The following SCRG1 variants were observed in gnomAD, a reference collection of about 807,000 sequenced individuals.
SCRG1 encodes scrapie-responsive protein 1.
Under a neutral mutation model 7.7 loss-of-function variants are expected in SCRG1, and 3 were observed. The ratio of observed to expected loss-of-function variants is 0.39; its 90% CI spans 0.18 to 1.01. The LOEUF is 1.01. Ranked by LOEUF, SCRG1 falls within the 50% of genes least tolerant of loss-of-function variation. The pLI is 0.36. For missense variants in SCRG1, 110 were observed against 117.2 expected (o/e 0.94, Z 0.28); for synonymous variants, 46 against 41.2 (o/e 1.12, Z -0.44).
the SCRG1 span, among the ~76,000 whole-genome samples, chr4:173,443,945 G>T: frequency 3.0e-3 from 80 of 26,446 alleles, no homozygotes; most frequent in African/African-American, 5.5e-3. Context: ...AGCTTGTTTT[G>T]TGTGTGTGTG....
At chr4:173,393,550 T>C (rs978576101) in intron 1 of SCRG1, among the ~76,000 whole-genome samples, 1 of 152,198 alleles carries the variant, frequency 6.6e-6, no homozygotes, top group African/African-American at 2.4e-5. Flanking sequence ...TGATCTATCA[T>C]GGAGAATTTT....
At chr4:173,488,129 A>AT in the SCRG1 span, among the ~76,000 whole-genome samples, 36 of 151,366 alleles carry the variant, frequency 2.4e-4, no homozygotes, top group African/African-American at 8.3e-4. Context: ...AAATAAATAA[A>AT]TAAATTTAAA....
the SCRG1 span, among the ~76,000 whole-genome samples, chr4:173,511,277 G>C: frequency 6.6e-6 from 1 of 152,082 alleles, no homozygotes; most frequent in Non-Finnish European, 1.5e-5. The surrounding 1 kb of genome is among the most constrained non-coding windows in gnomAD (Gnocchi z 5.2). Context: ...CGCGCGCCGG[G>C]TGGAAAACAT....
the SCRG1 span, among the ~76,000 whole-genome samples, chr4:173,421,728 C>T: frequency 1.4e-4 from 22 of 152,046 alleles, no homozygotes; most frequent in African/African-American, 2.2e-4. Context: ...GATTCTCTTA[C>T]GGGATGATGT....
chr4:173,490,961 C>T, the SCRG1 span, among the ~76,000 whole-genome samples: 1 of 152,098 alleles, frequency 6.6e-6, no homozygotes, highest in Non-Finnish European at 1.5e-5. Context: ...TGGGACCTGC[C>T]CTGCAGGAGG....
the SCRG1 span, among the ~76,000 whole-genome samples, chr4:173,509,646 A>C: frequency 6.6e-6 from 1 of 151,430 alleles, no homozygotes; most frequent in Non-Finnish European, 1.5e-5. The surrounding 1 kb of genome is among the most constrained non-coding windows in gnomAD (Gnocchi z 5.7). Flanking sequence ...GTCGGCCGGA[A>C]CCCGCTCCTG....
At chr4:173,407,980 C>G (rs1167504742), upstream of SCRG1, among the ~76,000 whole-genome samples, 1 of 152,094 alleles carries the variant, frequency 6.6e-6, no homozygotes, top group Non-Finnish European at 1.5e-5. Context: ...ATTTGGAAAT[C>G]TAAATAAAAG....
chr4:173,498,781 C>G, the SCRG1 span, among the ~76,000 whole-genome samples: 1 of 152,012 alleles, frequency 6.6e-6, no homozygotes, highest in African/African-American at 2.4e-5. Context: ...TATATACACA[C>G]GGAGAGACAG....
chr4:173,448,755 A>T, the SCRG1 span, among the ~76,000 whole-genome samples: 1 of 152,272 alleles, frequency 6.6e-6, no homozygotes, highest in East Asian at 1.9e-4. Flanking sequence ...TGATTTATGG[A>T]TCGCTAGTTG....
In SCRG1 at chr4:173,385,074, T is replaced by A. The variant is rs1208859678; in HGVS notation, c.*3267A>T. 1.3e-5 allele frequency: 2 copies of A among 152,222 alleles called. No individual in the cohort carries two copies. The highest frequency in any genetic ancestry group is 1.3e-4 in the Admixed American group (2 of 15,288). 9.4% of individuals were successfully genotyped at this position (152,222 alleles called of 1,614,324 possible). A position where few individuals can be genotyped will look rare whatever the true frequency, so the allele number is the denominator to read the frequency against. On this transcript the variant is annotated 3_prime_UTR_variant, in exon 3 of 3. Coordinates refer to ENST00000296506, the MANE Select transcript of SCRG1 (RefSeq NM_007281.4). ...CTACTTAATATCTTTAAACCTTAGCTTTTTTGTCCATAGAACAAGGATAAT... is the reference window on the plus strand; with the variant it reads ...CTACTTAATATCTTTAAACCTTAGCATTTTTGTCCATAGAACAAGGATAAT...
At chr4:173,457,151 G>T in the SCRG1 span, among the ~76,000 whole-genome samples, 1 of 152,326 alleles carries the variant, frequency 6.6e-6, no homozygotes, top group African/African-American at 2.4e-5. Context: ...ATGACCCATG[G>T]CGCTTAACAA....
the SCRG1 span, among the ~76,000 whole-genome samples, chr4:173,486,228 C>A: frequency 1.3e-5 from 2 of 152,278 alleles, no homozygotes; most frequent in Admixed American, 1.3e-4. Context: ...AAAGCAATTT[C>A]ATCTGAAACT....
chr4:173,516,610 G>GC, the SCRG1 span, among the ~76,000 whole-genome samples: 23 of 152,174 alleles, frequency 1.5e-4, no homozygotes, highest in Non-Finnish European at 2.6e-4. Context: ...TGGCAGGGAC[G>GC]CCCCAAGAGT....
At chr4:173,483,494 A>ATATTATATTATGATATATAATATATTATG in the SCRG1 span, among the ~76,000 whole-genome samples, 10 of 80,062 alleles carry the variant, frequency 1.2e-4, no homozygotes, top group Non-Finnish European at 2.2e-4. Flanking sequence ...AATATATTAT[A>ATATTATATTATGATATATAATATATTATG]TATTATATTC....
chr4:173,453,443 A>G, the SCRG1 span, among the ~76,000 whole-genome samples: 1 of 152,346 alleles, frequency 6.6e-6, no homozygotes, highest in African/African-American at 2.4e-5. Context: ...TCATTGTGCG[A>G]ACATCATAGA....
At chr4:173,455,029 G>A in the SCRG1 span, among the ~76,000 whole-genome samples, 7 of 151,926 alleles carry the variant, frequency 4.6e-5, no homozygotes, top group South Asian at 2.1e-4. Flanking sequence ...TAAGAAATGC[G>A]GGCAAGTCTC....
intron 1 of SCRG1, among the ~76,000 whole-genome samples, chr4:173,393,022 C>T (rs1403769840): frequency 6.6e-6 from 1 of 150,660 alleles, no homozygotes; most frequent in East Asian, 2.0e-4. Flanking sequence ...ACCTGGGAGA[C>T]AGAGGTTGCA....
chr4:173,409,092 G>T (rs149766883), upstream of SCRG1, among the ~76,000 whole-genome samples: 9 of 151,864 alleles, frequency 5.9e-5, no homozygotes, highest in African/African-American at 2.2e-4. Context: ...TGACCTAAAA[G>T]GTTCTGAGAT....
At chr4:173,455,694 A>C in the SCRG1 span, among the ~76,000 whole-genome samples, 3 of 152,224 alleles carry the variant, frequency 2.0e-5, no homozygotes, top group South Asian at 6.2e-4. Flanking sequence ...TGAAAAAAGC[A>C]GTCAAAGTGC....
Sources: allele counts gnomAD v4.1 joint callset (sites outside exome capture counted in the v4.1 genomes callset), GRCh38; gene constraint gnomAD v4.1.1; non-coding constraint Gnocchi (gnomAD v3.1); transcripts MANE v1.5; gene names NCBI Gene and HGNC (gene_info 2026-07-23, HGNC 2026-07-21).